Variants in CTNNA3 observed in about 807,000 individuals in gnomAD.
CTNNA3 encodes catenin alpha-3.
CTNNA3 carries 76 observed loss-of-function variants against 95.7 expected under a neutral mutation model. The ratio of observed to expected loss-of-function variants is 0.79; its 90% confidence interval spans 0.66 to 0.96. The LOEUF (loss-of-function observed/expected upper bound fraction) is 0.96, where lower values mean the gene tolerates loss of function less well. CTNNA3 is among the 40% of genes least tolerant of loss of function. The probability of loss-of-function intolerance (pLI) is 0.00; values close to 1 mark genes in which losing one functional copy is unlikely to be tolerated. For missense variants in CTNNA3, 1,191 were observed against 1,089.8 expected (o/e 1.09, Z -1.31); for synonymous variants, 431 against 374.4 (o/e 1.15, Z -1.74).
intron 4 of CTNNA3, among the ~76,000 whole-genome samples, chr10:67,529,818 T>C (rs1228408226): frequency 2.6e-5 from 4 of 152,230 alleles, no homozygotes; most frequent in Non-Finnish European, 5.9e-5. Context: ...GTGGTTTGGC[T>C]GTGTTCCCAC....
intron 15 of CTNNA3, among the ~76,000 whole-genome samples, chr10:66,045,595 A>T (rs963350970): frequency 6.6e-6 from 1 of 152,240 alleles, no homozygotes; most frequent in Non-Finnish European, 1.5e-5. Flanking sequence ...CCTGCTTAAA[A>T]GTGGAATAAA....
At chr10:66,579,525 T>C (rs180742536) in intron 10 of CTNNA3, among the ~76,000 whole-genome samples, 71 of 151,924 alleles carry the variant, frequency 4.7e-4, no homozygotes, top group African/African-American at 1.5e-3. Context: ...ATTACAGACT[T>C]AGAGGTATTG....
intron 16 of CTNNA3, 25 bp from the exon 17 acceptor site, chr10:65,966,771 T>C (rs761507825): frequency 3.8e-6 from 6 of 1,570,574 alleles, no homozygotes; most frequent in Non-Finnish European, 4.4e-6. Context: ...AAGATAAAAA[T>C]AGATACAGCA....
Position 66,617,446 on chromosome 10 carries a change from C to A in CTNNA3, c.1374+4246G>T, listed in dbSNP as rs533002345. On this transcript the variant is annotated intron_variant, in intron 10 of 17. Transcript: ENST00000433211. ...AATGTAATCCAGCATATAAACAGAA[C>A]CAAAGACAAAAACCACATGATTGTC... 3.3e-3 allele frequency among the ~76,000 whole-genome samples: 500 copies of A among 152,124 alleles called. 4 individuals are homozygous for A. The highest frequency in any genetic ancestry group is 0.012 in the African/African-American group (480 of 41,484).
rs1564756127 is a variant in CTNNA3, at chr10:66,199,790, TA to T, written c.1884+80679del. ...CTATATATATATATATATATATATA[TA>T]TATATATATATATATTTTTTTTTTT... On this transcript the variant is annotated intron_variant, in intron 13 of 17. Transcript: ENST00000433211. 1.1e-3 allele frequency among the ~76,000 whole-genome samples: 16 copies of T among 14,758 alleles called. No individual in the cohort carries two copies. The South Asian group carries it at 0.015, about 14-fold the overall frequency. 9.7% of individuals were successfully genotyped at this position (14,758 alleles called of 152,430 possible).
At chr10:67,598,336 G>A (rs1484128641) in intron 3 of CTNNA3, among the ~76,000 whole-genome samples, 9 of 152,082 alleles carry the variant, frequency 5.9e-5, no homozygotes, top group South Asian at 2.1e-4. Flanking sequence ...GGTGAGAGCA[G>A]GCCACTCTAT....
chr10:66,763,383 G>A (rs148682515), intron 9 of CTNNA3, among the ~76,000 whole-genome samples: 1,576 of 148,446 alleles, frequency 0.011, 36 homozygotes, highest in African/African-American at 0.037. Context: ...GAAAGAGAGA[G>A]AGAGAAACAA....
chr10:66,963,725 AG>A (rs1299643378), intron 7 of CTNNA3, among the ~76,000 whole-genome samples: 2 of 152,164 alleles, frequency 1.3e-5, no homozygotes, highest in African/African-American at 4.8e-5. Context: ...TTCATGAGAA[AG>A]AGCAGGGTGA....
At chr10:67,513,767 C>G (rs1381585009) in intron 5 of CTNNA3, among the ~76,000 whole-genome samples, 1 of 152,166 alleles carries the variant, frequency 6.6e-6, no homozygotes, top group Non-Finnish European at 1.5e-5. Flanking sequence ...GAAGAGATTT[C>G]TGCAGCCAGT....
chr10:67,570,793 T>A (rs1841950372), intron 3 of CTNNA3, among the ~76,000 whole-genome samples: 2 of 152,230 alleles, frequency 1.3e-5, no homozygotes, highest in South Asian at 4.1e-4. Flanking sequence ...CTGCCAGTCC[T>A]GGTTTCTTTT....
chr10:66,775,317 A>G, intron 8 of CTNNA3, 127 bp downstream of exon 8: 1 of 560,936 alleles, frequency 1.8e-6, no homozygotes, highest in Non-Finnish European at 3.0e-6. Flanking sequence ...GAAAGTATAT[A>G]TTTACTCTTT....
intron 11 of CTNNA3, among the ~76,000 whole-genome samples, chr10:66,483,599 T>A (rs755887539): frequency 1.3e-5 from 2 of 152,168 alleles, no homozygotes; most frequent in African/African-American, 4.8e-5. Context: ...ATTTGTTGTC[T>A]TTACCTCCTA....
chr10:67,369,393 T>C (rs979150210), intron 5 of CTNNA3, among the ~76,000 whole-genome samples: 1 of 152,184 alleles, frequency 6.6e-6, no homozygotes, highest in African/African-American at 2.4e-5. Context: ...ATATTCTAAA[T>C]AGATCAAAGA....
At chr10:66,941,389 T>G (rs1245061241) in intron 7 of CTNNA3, among the ~76,000 whole-genome samples, 1 of 152,216 alleles carries the variant, frequency 6.6e-6, no homozygotes, top group African/African-American at 2.4e-5. Context: ...AGAAATAATT[T>G]GCAACTAGGC....
At chr10:66,835,253 G>C (rs1842849737) in intron 7 of CTNNA3, among the ~76,000 whole-genome samples, 1 of 152,162 alleles carries the variant, frequency 6.6e-6, no homozygotes, top group Non-Finnish European at 1.5e-5. Flanking sequence ...AAAAAGCTGA[G>C]AAGCTGAATT....
intron 1 of CTNNA3, among the ~76,000 whole-genome samples, chr10:67,683,377 C>A (rs930536741): frequency 2.0e-5 from 3 of 152,140 alleles, no homozygotes; most frequent in African/African-American, 7.2e-5. Context: ...TATTTATCTC[C>A]AGACTAAGAA....
At chr10:66,357,018 G>A (rs1461452955) in intron 12 of CTNNA3, among the ~76,000 whole-genome samples, 1 of 151,914 alleles carries the variant, frequency 6.6e-6, no homozygotes, top group Non-Finnish European at 1.5e-5. Flanking sequence ...ATATTTTGTT[G>A]CAGGTTTTTG....
chr10:66,532,993 A>C (rs1326258652), intron 10 of CTNNA3, among the ~76,000 whole-genome samples: 1 of 152,074 alleles, frequency 6.6e-6, no homozygotes, highest in East Asian at 1.9e-4. Flanking sequence ...ACTCTACACG[A>C]TCATTATCTC....
intron 6 of CTNNA3, among the ~76,000 whole-genome samples, chr10:67,210,819 G>C (rs961127229): frequency 4.6e-5 from 7 of 152,108 alleles, no homozygotes; most frequent in African/African-American, 1.7e-4. Flanking sequence ...TAGTCAGTGT[G>C]AATTATCCAC....
Sources: gnomAD v4.1 joint callset for allele counts (sites outside exome capture counted in the v4.1 genomes callset) on GRCh38, gnomAD v4.1.1 for gene constraint, MANE v1.5 for transcripts, NCBI Gene and HGNC (gene_info 2026-07-23, HGNC 2026-07-21) for gene names.